NFIB: variants seen among roughly 807,000 people sequenced by gnomAD.
The protein encoded by NFIB is nuclear factor I B, also known as nuclear factor 1 B-type.
A neutral mutation model predicts 61.5 loss-of-function variants in NFIB; 11 were observed. The ratio of observed to expected loss-of-function variants is 0.18; its 90% CI spans 0.11 to 0.30. NFIB has a LOEUF of 0.30. Among genes scored for constraint, NFIB ranks in the 10% least tolerant of loss-of-function variants. The probability of loss-of-function intolerance (pLI) is 1.00; values close to 1 mark genes in which losing one functional copy is unlikely to be tolerated. For missense variants in NFIB, 471 were observed against 608.9 expected, an observed-to-expected ratio of 0.77 and a Z score of 2.38; for synonymous variants, 260 against 216.5, an observed-to-expected ratio of 1.20 and a Z score of -1.76.
rs1413210795 is a variant in NFIB, at chr9:14,313,219, C to A, written c.30+263G>T. ...GGGCCTCGCACTTACAGGTCCCGGCCCTGCCCACCCCCCGGCGGCCTTGCC... is the reference window on the plus strand; with the variant it reads ...GGGCCTCGCACTTACAGGTCCCGGCACTGCCCACCCCCCGGCGGCCTTGCC... On this transcript the variant is annotated intron_variant, in intron 1 of 10. Coordinates refer to ENST00000380953, the MANE Select transcript of NFIB (RefSeq NM_001190737.2). This position sits in a 1 kb window ranked among gnomAD's most constrained non-coding sequence, Gnocchi z 4.5. Among the ~76,000 whole-genome samples the A allele has an allele frequency of 1.3e-5, 2 of 151,822 alleles. No homozygotes were observed. The highest frequency in any genetic ancestry group is 2.4e-5 in the African/African-American group (1 of 41,390).
At position 14,314,137 on chromosome 9, in the gene NFIB, A is replaced by G. The variant is rs1252536112; in HGVS notation, c.-626T>C. 1 of 958,324 alleles carries G rather than the reference A, an allele frequency of 1.0e-6. No homozygotes were observed. Among genetic ancestry groups the G allele is most frequent in the Non-Finnish European group, 1.2e-6 (1 of 822,254 alleles). 59.4% of individuals were successfully genotyped at this position (958,324 alleles called of 1,614,324 possible). ...GTGTGCGCGAGGGGCAGCGTGAGCG[A>G]GTGCGCGCGGGTGGCGGGGCGCGCG... On this transcript the variant is annotated 5_prime_UTR_variant, in exon 1 of 11. Transcript: ENST00000380953.
At chr9:14,460,143 A>T in the NFIB span, among the ~76,000 whole-genome samples, 3 of 152,222 alleles carry the variant, frequency 2.0e-5, no homozygotes, top group African/African-American at 7.2e-5. Flanking sequence ...GATAGACTGG[A>T]TTAAGAAAAT....
chr9:14,429,686 C>G, the NFIB span, among the ~76,000 whole-genome samples: 1 of 152,192 alleles, frequency 6.6e-6, no homozygotes, highest in African/African-American at 2.4e-5. Flanking sequence ...AAAGCCACCA[C>G]CAGCTGACAC....
At chr9:14,339,265 T>C (rs2060922382) in intron 1 of NFIB, among the ~76,000 whole-genome samples, 1 of 152,216 alleles carries the variant, frequency 6.6e-6, no homozygotes, top group African/African-American at 2.4e-5. Context: ...TTGGCTATTA[T>C]TACTATTATT....
At chr9:14,505,786 G>C in the NFIB span, among the ~76,000 whole-genome samples, 1 of 152,072 alleles carries the variant, frequency 6.6e-6, no homozygotes, top group East Asian at 1.9e-4. Flanking sequence ...GGTATCAAAG[G>C]GTGGGAATTC....
In NFIB at chr9:14,313,363, C is replaced by T. The variant is rs1687196146; in HGVS notation, c.30+119G>A. On this transcript the variant is annotated intron_variant, in intron 1 of 10. Transcript: ENST00000380953. The surrounding 1 kb of genome is among the most constrained non-coding windows in gnomAD (Gnocchi z 4.5). ...CGACGCCCGCTGCAACTCCGGGCCACTTCTCCAAGGGACGGGGATGTGCGG... is the reference window on the plus strand; with the variant it reads ...CGACGCCCGCTGCAACTCCGGGCCATTTCTCCAAGGGACGGGGATGTGCGG... The T allele has an allele frequency of 3.9e-5, 57 of 1,446,286 alleles. No homozygotes were observed. The South Asian group carries it at 6.3e-4, about 16-fold the overall frequency. 89.6% of individuals were successfully genotyped at this position (1,446,286 alleles called of 1,614,324 possible).
At chr9:14,271,448 C>A (rs1257059217) in intron 2 of NFIB, among the ~76,000 whole-genome samples, 1 of 152,074 alleles carries the variant, frequency 6.6e-6, no homozygotes, top group Admixed American at 6.6e-5. Flanking sequence ...ATAACCCCCA[C>A]CTGCTCATCA....
the NFIB span, among the ~76,000 whole-genome samples, chr9:14,499,554 T>G: frequency 6.6e-6 from 1 of 152,144 alleles, no homozygotes; most frequent in Non-Finnish European, 1.5e-5. Flanking sequence ...ATTGTGAAAA[T>G]GGTTTCCATG....
chr9:14,330,410 G>A (rs983291089), intron 1 of NFIB, among the ~76,000 whole-genome samples: 12 of 152,086 alleles, frequency 7.9e-5, no homozygotes, highest in Admixed American at 7.9e-4. Context: ...AACACATGGT[G>A]CAACCAAGCA....
At chr9:14,367,081 A>G (rs2061309096) in intron 1 of NFIB, among the ~76,000 whole-genome samples, 1 of 152,198 alleles carries the variant, frequency 6.6e-6, no homozygotes. Flanking sequence ...GATGACCATG[A>G]TAATGACATT....
At chr9:14,427,314 T>C in the NFIB span, among the ~76,000 whole-genome samples, 1 of 152,334 alleles carries the variant, frequency 6.6e-6, no homozygotes, top group South Asian at 2.1e-4. Flanking sequence ...TGTATTGTGC[T>C]TTCTCTGGAC....
At chr9:14,515,592 T>G in the NFIB span, among the ~76,000 whole-genome samples, 1 of 152,120 alleles carries the variant, frequency 6.6e-6, no homozygotes. Flanking sequence ...AACTGAATCG[T>G]GGGCCCAGGA....
rs1404255241 is a variant in NFIB at position 14,083,430 on chromosome 9, G to C, written c.*4879C>G. ...CTTTCAGCTCCTTCAGCATGGAGTA[G>C]AACATTCATTTTTGAGCTTTTACTA... On this transcript the variant is annotated 3_prime_UTR_variant, in exon 11 of 11. Coordinates refer to ENST00000380953, the MANE Select transcript of NFIB (RefSeq NM_001190737.2). The C allele has an allele frequency of 5.7e-6, 1 of 174,470 alleles. No homozygotes were observed. The highest frequency in any genetic ancestry group is 1.1e-5 in the Non-Finnish European group (1 of 89,490). The allele number at this position is 174,470 out of a possible 1,614,324, so 10.8% of individuals were successfully genotyped here.
chr9:14,191,287 C>T (rs182469518), intron 2 of NFIB, among the ~76,000 whole-genome samples: 76 of 152,214 alleles, frequency 5.0e-4, no homozygotes. Context: ...GAGATTACAT[C>T]ACTGCACTCC....
chr9:14,326,191 T>C (rs982515912), intron 1 of NFIB, among the ~76,000 whole-genome samples: 9 of 152,330 alleles, frequency 5.9e-5, no homozygotes, highest in African/African-American at 1.4e-4. Context: ...ATGGTAATAA[T>C]TTGTATTATT....
At chr9:14,322,037 TTC>T in intron 1 of NFIB, 2 of 1,229,890 alleles carry the variant, frequency 1.6e-6, no homozygotes, top group Non-Finnish European at 2.0e-6. Context: ...TTTGTGGATT[TTC>T]TCAGGGGTTG....
chr9:14,306,931 C>T, intron 2 of NFIB, 58 bp downstream of exon 2: 1 of 1,586,170 alleles, frequency 6.3e-7, no homozygotes, highest in Non-Finnish European at 8.6e-7. Context: ...GATACTCTGT[C>T]TACGGAGATT....
At chr9:14,221,440 T>A (rs1019299709) in intron 2 of NFIB, among the ~76,000 whole-genome samples, 1 of 152,204 alleles carries the variant, frequency 6.6e-6, no homozygotes, top group African/African-American at 2.4e-5. Context: ...TTTGTATTTA[T>A]ATGTGCATTA....
chr9:14,344,104 G>C (rs994096294), intron 1 of NFIB, among the ~76,000 whole-genome samples: 1 of 133,362 alleles, frequency 7.5e-6, no homozygotes, highest in Non-Finnish European at 1.5e-5. Flanking sequence ...GAGAGAGAGA[G>C]AGAAAGAGAG....
Sources: allele counts gnomAD v4.1 joint callset (sites outside exome capture counted in the v4.1 genomes callset), GRCh38; gene constraint gnomAD v4.1.1; non-coding constraint Gnocchi (gnomAD v3.1); transcripts MANE v1.5; gene names NCBI Gene and HGNC (gene_info 2026-07-23, HGNC 2026-07-21).